The following NIPA1 variants were observed in gnomAD, a reference collection of about 807,000 sequenced individuals.
The protein encoded by NIPA1 is magnesium transporter NIPA1.
In NIPA1, 13 loss-of-function variants were observed where a neutral mutation model predicts 23.9. The ratio of observed to expected loss-of-function variants is 0.54; its 90% CI spans 0.35 to 0.87. The LOEUF is 0.87. Ranked by LOEUF, NIPA1 falls within the 40% of genes least tolerant of loss-of-function variation. NIPA1 has a pLI of 0.01. For synonymous variants in NIPA1, 234 were observed against 202.9 expected (o/e 1.15, Z -1.30); for missense variants, 362 against 429.7 (o/e 0.84, Z 1.39).
intron 3 of NIPA1, among the ~76,000 whole-genome samples, chr15:22,813,450 T>A (rs886542130): frequency 7.2e-5 from 11 of 152,162 alleles, no homozygotes; most frequent in African/African-American, 2.7e-4. Flanking sequence ...GCAGCTGGAC[T>A]CTCTGTTTAC....
intron 1 of NIPA1, among the ~76,000 whole-genome samples, chr15:22,795,913 T>C (rs755136966): frequency 9.9e-5 from 15 of 152,032 alleles, no homozygotes; most frequent in Admixed American, 2.6e-4. Context: ...AGGGGGAAGA[T>C]AGATAAATCC....
intron 1 of NIPA1, among the ~76,000 whole-genome samples, chr15:22,801,114 C>T (rs913572942): frequency 6.6e-6 from 1 of 151,928 alleles, no homozygotes; most frequent in Non-Finnish European, 1.5e-5. Context: ...CTGAGCCCAC[C>T]CCATGTATGT....
At chr15:22,804,555 C>T (rs896365027) in intron 1 of NIPA1, among the ~76,000 whole-genome samples, 11 of 152,142 alleles carry the variant, frequency 7.2e-5, no homozygotes, top group Admixed American at 7.2e-4. Context: ...ATGGCATCTT[C>T]TTGTGTGTTC....
chr15:22,821,738 G>A (rs548700758), intron 4 of NIPA1, among the ~76,000 whole-genome samples: 5 of 152,126 alleles, frequency 3.3e-5, no homozygotes, highest in African/African-American at 1.2e-4. Context: ...ACACTCGCTG[G>A]TTTTCTTGTC....
rs535440901 is a variant in NIPA1, at chr15:22,802,340, C to T, written c.179-8409C>T. 6.9e-5 allele frequency among the ~76,000 whole-genome samples: 10 copies of T among 144,074 alleles called. No individual in the cohort carries two copies. The East Asian group carries it at 2.1e-3, about 30-fold the overall frequency. 94.5% of individuals were successfully genotyped at this position (144,074 alleles called of 152,430 possible). On this transcript the variant is annotated intron_variant, in intron 1 of 4. Coordinates refer to ENST00000337435, the MANE Select transcript of NIPA1 (RefSeq NM_144599.5). ...CCGGGAAGTGGAGGTTGTGGTGAGCCGAGATCACGCCACTGCCCTTCAACC... is the reference window on the plus strand; with the variant it reads ...CCGGGAAGTGGAGGTTGTGGTGAGCTGAGATCACGCCACTGCCCTTCAACC...
At chr15:22,799,970 A>C (rs1239305365) in intron 1 of NIPA1, among the ~76,000 whole-genome samples, 1 of 121,040 alleles carries the variant, frequency 8.3e-6, no homozygotes, top group African/African-American at 3.0e-5. Flanking sequence ...AAAAAAAAAA[A>C]AGGGAAAGAA....
At chr15:22,789,581 T>C (rs954036366) in intron 1 of NIPA1, among the ~76,000 whole-genome samples, 9 of 151,924 alleles carry the variant, frequency 5.9e-5, no homozygotes, top group African/African-American at 2.2e-4. Flanking sequence ...GAAGAAAACT[T>C]GTATGGGGGT....
rs1201536237 is a variant in NIPA1 at position 22,803,692 on chromosome 15, T to TC, written c.179-7057_179-7056insC. On this transcript the variant is annotated intron_variant, in intron 1 of 4. Coordinates refer to ENST00000337435, the MANE Select transcript of NIPA1 (RefSeq NM_144599.5). ...CCCGGCTAATTTTTTTTTTTTTTTTTTTTTTGAGACAGAGTCTTGCTCTGT... is the reference window on the plus strand; with the variant it reads ...CCCGGCTAATTTTTTTTTTTTTTTTTCTTTTTGAGACAGAGTCTTGCTCTGT... 3.0e-3 allele frequency among the ~76,000 whole-genome samples: 426 copies of TC among 143,440 alleles called. 1 individual carries two copies. The highest frequency in any genetic ancestry group is 5.0e-3 in the Non-Finnish European group (326 of 65,498). 94.1% of individuals were successfully genotyped at this position (143,440 alleles called of 152,430 possible).
Position 22,824,008 on chromosome 15 carries a change from G to A in NIPA1, c.759G>A (p.Glu253=), listed in dbSNP as rs781769053. Residue 253 remains glutamate (E), a synonymous_variant, in exon 5 of 5, where the codon GAG becomes GAA. Transcript: ENST00000337435. The surrounding 1 kb of genome is among the most constrained non-coding windows in gnomAD (Gnocchi z 4.1). The part of the protein sequence containing the change: ...VQFRYINKAL[E]CFDSSVFGAI... ...TCAGGTACATCAACAAGGCGCTGGA[G>A]TGCTTCGACTCCTCGGTGTTCGGGG... The A allele has an allele frequency of 2.5e-5, 41 of 1,614,066 alleles. No individual in the cohort carries two copies. In the Middle Eastern group the frequency reaches 1.2e-3, roughly 45 times the overall value.
chr15:22,787,597 G>A (rs1015308897), intron 1 of NIPA1, among the ~76,000 whole-genome samples: 7 of 152,204 alleles, frequency 4.6e-5, no homozygotes, highest in Non-Finnish European at 8.8e-5. Flanking sequence ...TGTCAGTGTC[G>A]TTTGTGCTGG....
chr15:22,801,533 A>G (rs1566780237), intron 1 of NIPA1, among the ~76,000 whole-genome samples: 1 of 80,614 alleles, frequency 1.2e-5, no homozygotes, highest in Non-Finnish European at 2.3e-5. Flanking sequence ...TTTTTTTTTG[A>G]GAGACAGAGT....
intron 1 of NIPA1, among the ~76,000 whole-genome samples, chr15:22,807,983 G>T (rs1423391808): frequency 6.6e-6 from 1 of 151,926 alleles, no homozygotes; most frequent in Non-Finnish European, 1.5e-5. Flanking sequence ...TAGAGACGGG[G>T]TTTCACTGTG....
Position 22,823,759 on chromosome 15 carries a change from C to T in NIPA1, c.510C>T (p.Leu170=), listed in dbSNP as rs1462720403. The T allele has an allele frequency of 6.2e-7, 1 of 1,612,022 alleles. No homozygotes were observed. Among genetic ancestry groups the T allele is most frequent in the East Asian group, 2.2e-5 (1 of 44,848 alleles). ...TGGGCTACCTGTGCATCGTGCTGCT[C>T]ATGCTGCTGCTGCTCATCTTCTGGA... The part of the protein sequence containing the change: ...VFVGYLCIVL[L]MLLLLIFWIA... The change falls in exon 5 of 5, where the codon CTC becomes CTT. Residue 170 remains leucine, a synonymous_variant. Coordinates refer to ENST00000337435, the MANE Select transcript of NIPA1 (RefSeq NM_144599.5).
At chr15:22,808,219 A>G (rs1347796579) in intron 1 of NIPA1, among the ~76,000 whole-genome samples, 1 of 152,184 alleles carries the variant, frequency 6.6e-6, no homozygotes, top group African/African-American at 2.4e-5. Flanking sequence ...TGGGATAGCC[A>G]CTTTGATTAG....
intron 1 of NIPA1, among the ~76,000 whole-genome samples, chr15:22,792,418 G>A (rs1595629972): frequency 6.6e-6 from 1 of 152,082 alleles, no homozygotes; most frequent in East Asian, 2.0e-4. Flanking sequence ...GAGTGCAGTG[G>A]CATGATCTCC....
chr15:22,824,306 G>A lies in NIPA1; in HGVS notation c.*67G>A. ...AGGTGGTTTCTGGCCGTGATTGGAT[G>A]TGAAGTAGAAGAGGTCCTCGATCAT... On this transcript the variant is annotated 3_prime_UTR_variant, in exon 5 of 5. Coordinates refer to ENST00000337435, the MANE Select transcript of NIPA1 (RefSeq NM_144599.5). The surrounding 1 kb of genome is among the most constrained non-coding windows in gnomAD (Gnocchi z 4.1). 5 of 1,335,904 alleles carry A rather than the reference G, an allele frequency of 3.7e-6. No individual in the cohort carries two copies. In the East Asian group the frequency reaches 9.2e-5, roughly 24 times the overall value. The allele number at this position is 1,335,904 out of a possible 1,614,324, so 82.8% of individuals were successfully genotyped here. A position where few individuals can be genotyped will look rare whatever the true frequency, so the allele number is the denominator to read the frequency against.
chr15:22,808,679 C>CT (rs59983551), intron 1 of NIPA1, among the ~76,000 whole-genome samples: 2 of 128,338 alleles, frequency 1.6e-5, no homozygotes, highest in Non-Finnish European at 3.2e-5. Flanking sequence ...TAGCAATATT[C>CT]TTTTTTTTGA....
intron 3 of NIPA1, chr15:22,814,026 A>G: frequency 2.4e-6 from 2 of 848,830 alleles, no homozygotes; most frequent in South Asian, 1.4e-5. Flanking sequence ...AACTGTTCTC[A>G]TGCACTTTGA....
At chr15:22,795,866 G>A (rs1362953479) in intron 1 of NIPA1, among the ~76,000 whole-genome samples, 1 of 152,086 alleles carries the variant, frequency 6.6e-6, no homozygotes, top group Non-Finnish European at 1.5e-5. Context: ...GGCTGATTTT[G>A]GTATTGTTCT....
Sources: gnomAD v4.1 joint callset for allele counts (sites outside exome capture counted in the v4.1 genomes callset) on GRCh38, gnomAD v4.1.1 for gene constraint, Gnocchi (gnomAD v3.1) non-coding constraint, MANE v1.5 for transcripts, NCBI Gene and HGNC (gene_info 2026-07-23, HGNC 2026-07-21) for gene names.